The following EPHA5 variants were observed in gnomAD, a reference collection of about 807,000 sequenced individuals.
The protein encoded by EPHA5 is EPH receptor A5, also known as ephrin type-A receptor 5.
A neutral mutation model predicts 105.0 loss-of-function variants in EPHA5; 60 were observed. That is an observed-to-expected ratio of 0.57 (90% CI 0.46 to 0.71). The LOEUF is 0.71. Ranked by LOEUF, EPHA5 falls within the 30% of genes least tolerant of loss-of-function variation. EPHA5 has a pLI of 0.00. For synonymous variants in EPHA5, 513 were observed against 449.1 expected, an observed-to-expected ratio of 1.14 and a Z score of -1.80; for missense variants, 1,218 against 1,274.7, an observed-to-expected ratio of 0.96 and a Z score of 0.68.
intron 1 of EPHA5, among the ~76,000 whole-genome samples, chr4:65,659,193 T>C (rs180956635): frequency 1.3e-5 from 2 of 151,820 alleles, no homozygotes; most frequent in East Asian, 3.9e-4. Flanking sequence ...CAAGAGGTAG[T>C]GATCAGCAAT....
intron 3 of EPHA5, among the ~76,000 whole-genome samples, chr4:65,541,020 T>C (rs1160193015): frequency 6.6e-6 from 1 of 151,420 alleles, no homozygotes; most frequent in African/African-American, 2.4e-5. Context: ...AATATCTCTC[T>C]CTTGCTCTCT....
chr4:65,424,793 A>G (rs1013567014), intron 5 of EPHA5, among the ~76,000 whole-genome samples: 1 of 152,020 alleles, frequency 6.6e-6, no homozygotes, highest in African/African-American at 2.4e-5. Flanking sequence ...TTATGAGTAA[A>G]TTTCCTTGAT....
At chr4:65,591,238 C>G (rs892587736) in intron 3 of EPHA5, among the ~76,000 whole-genome samples, 1 of 151,944 alleles carries the variant, frequency 6.6e-6, no homozygotes, top group Non-Finnish European at 1.5e-5. Flanking sequence ...TGAAATAGAC[C>G]AATATTTACA....
chr4:65,597,407 T>G (rs1013258699), intron 3 of EPHA5, among the ~76,000 whole-genome samples: 1 of 151,990 alleles, frequency 6.6e-6, no homozygotes, highest in African/African-American at 2.4e-5. Flanking sequence ...AACATTCACT[T>G]CAATAAAAGA....
At chr4:65,570,049 C>T (rs989178745) in intron 3 of EPHA5, among the ~76,000 whole-genome samples, 2 of 151,390 alleles carry the variant, frequency 1.3e-5, no homozygotes, top group Non-Finnish European at 3.0e-5. Context: ...TGAGAAGGCC[C>T]ATAATTATAT....
intron 3 of EPHA5, among the ~76,000 whole-genome samples, chr4:65,574,925 G>A (rs1240329406): frequency 6.6e-6 from 1 of 151,470 alleles, no homozygotes; most frequent in Non-Finnish European, 1.5e-5. Flanking sequence ...GAGAACCTAT[G>A]ATACATGAAA....
chr4:65,333,530 AGTGTGTGTCTGTGT>A (rs201487649), intron 15 of EPHA5, among the ~76,000 whole-genome samples: 6,159 of 122,462 alleles, frequency 0.05, 211 homozygotes, highest in Non-Finnish European at 0.073. Context: ...TGCGTGTGAG[AGTGTGTGTCTGTGT>A]GTGTGTGTGT....
intron 5 of EPHA5, among the ~76,000 whole-genome samples, chr4:65,480,899 G>A (rs1730298161): frequency 6.7e-6 from 1 of 148,462 alleles, no homozygotes; most frequent in Non-Finnish European, 1.5e-5. Flanking sequence ...ATTCCCAGGA[G>A]AGGAGTGTTG....
chr4:65,467,724 ACAT>A (rs1728855170), intron 5 of EPHA5, among the ~76,000 whole-genome samples: 1 of 152,212 alleles, frequency 6.6e-6, no homozygotes, highest in Non-Finnish European at 1.5e-5. Context: ...TGGATATGTA[ACAT>A]TACATGACAA....
chr4:65,492,924 T>C (rs1731553677), intron 4 of EPHA5, among the ~76,000 whole-genome samples: 1 of 152,014 alleles, frequency 6.6e-6, no homozygotes, highest in South Asian at 2.1e-4. Flanking sequence ...AGATAAAAAA[T>C]TACAGGATTA....
intron 8 of EPHA5, among the ~76,000 whole-genome samples, chr4:65,392,273 C>G (rs577876147): frequency 1.3e-5 from 2 of 152,098 alleles, no homozygotes; most frequent in Non-Finnish European, 2.9e-5. Flanking sequence ...AATCAATACA[C>G]GTCTGGATTT....
At chr4:65,629,376 T>C (rs1349407807) in intron 2 of EPHA5, among the ~76,000 whole-genome samples, 1 of 152,156 alleles carries the variant, frequency 6.6e-6, no homozygotes, top group Non-Finnish European at 1.5e-5. Context: ...AAGATTATTA[T>C]ACAGTCAAAG....
intron 3 of EPHA5, among the ~76,000 whole-genome samples, chr4:65,579,576 T>A (rs1741411895): frequency 6.6e-6 from 1 of 151,764 alleles, no homozygotes; most frequent in Non-Finnish European, 1.5e-5. Flanking sequence ...ATTATGAGAA[T>A]AATTACTAGT....
At chr4:65,379,258 TATGA>T (rs1719320209) in intron 8 of EPHA5, among the ~76,000 whole-genome samples, 1 of 129,858 alleles carries the variant, frequency 7.7e-6, no homozygotes, top group East Asian at 2.7e-4. Context: ...CTTTGTGTCT[TATGA>T]ATAAGTATGC....
At chr4:65,566,779 T>G (rs1245437858) in intron 3 of EPHA5, among the ~76,000 whole-genome samples, 2 of 151,744 alleles carry the variant, frequency 1.3e-5, no homozygotes, top group South Asian at 2.1e-4. Context: ...AATTATTACA[T>G]TTTTTTCTCC....
chr4:65,489,189 G>A (rs924738293), intron 5 of EPHA5, among the ~76,000 whole-genome samples: 8 of 152,064 alleles, frequency 5.3e-5, no homozygotes, highest in Admixed American at 1.3e-4. Flanking sequence ...GAGCCACCGC[G>A]CCCAGCCAGC....
chr4:65,404,607 C>G (rs941639750), intron 7 of EPHA5, 128 bp from the exon 8 acceptor site: 2 of 671,576 alleles, frequency 3.0e-6, no homozygotes, highest in Admixed American at 5.4e-5. Context: ...TGAAATTTCC[C>G]CTAATATCCT....
intron 14 of EPHA5, among the ~76,000 whole-genome samples, chr4:65,347,437 G>A (rs922891466): frequency 6.6e-6 from 1 of 152,180 alleles, no homozygotes; most frequent in Non-Finnish European, 1.5e-5. Context: ...AAAGAGCCAT[G>A]TGTCAGGCAT....
intron 8 of EPHA5, among the ~76,000 whole-genome samples, chr4:65,401,896 T>TGC (rs1721865756): frequency 1.0e-5 from 1 of 99,632 alleles, no homozygotes; most frequent in Admixed American, 9.9e-5. Context: ...TTTGTGTATG[T>TGC]GTGTGTGTGA....
Sources: gnomAD v4.1 joint callset for allele counts (sites outside exome capture counted in the v4.1 genomes callset) on GRCh38, gnomAD v4.1.1 for gene constraint, MANE v1.5 for transcripts, NCBI Gene and HGNC (gene_info 2026-07-23, HGNC 2026-07-21) for gene names.